ADORA2B: variants seen among roughly 807,000 people sequenced by gnomAD.
The protein encoded by ADORA2B is adenosine A2b receptor.
A neutral mutation model predicts 20.8 loss-of-function variants in ADORA2B; 18 were observed. The ratio of observed to expected loss-of-function variants is 0.87; its 90% CI spans 0.60 to 1.29. The LOEUF is 1.29. ADORA2B is among the 50% of genes most tolerant of loss of function. The probability of loss-of-function intolerance (pLI) is 0.00; values close to 1 mark genes in which losing one functional copy is unlikely to be tolerated. For missense variants in ADORA2B, 441 were observed against 422.7 expected, an observed-to-expected ratio of 1.04 and a Z score of -0.38; for synonymous variants, 179 against 178.3, an observed-to-expected ratio of 1.00 and a Z score of -0.03.
chr17:15,887,444 G>A, the ADORA2B span, among the ~76,000 whole-genome samples: 10 of 131,156 alleles, frequency 7.6e-5, 3 homozygotes, highest in Admixed American at 4.5e-4. Flanking sequence ...CAAGAAGAAA[G>A]TTTAAAGAAA....
chr17:15,925,655 C>T, the ADORA2B span, among the ~76,000 whole-genome samples: 5 of 152,114 alleles, frequency 3.3e-5, no homozygotes, highest in Non-Finnish European at 7.4e-5. Context: ...TCTCTTTCTG[C>T]GTATTTGAAT....
At chr17:15,971,339 T>C (rs1970186312) in intron 1 of ADORA2B, among the ~76,000 whole-genome samples, 1 of 152,160 alleles carries the variant, frequency 6.6e-6, no homozygotes, top group Admixed American at 6.5e-5. Context: ...CTGAATGAGG[T>C]GGGAAACAGA....
At chr17:15,880,841 G>A in the ADORA2B span, among the ~76,000 whole-genome samples, 2 of 152,208 alleles carry the variant, frequency 1.3e-5, no homozygotes, top group African/African-American at 4.8e-5. Context: ...GAACTACTTA[G>A]CAGCTATTTA....
chr17:15,875,246 T>C, the ADORA2B span, among the ~76,000 whole-genome samples: 2 of 151,966 alleles, frequency 1.3e-5, no homozygotes, highest in Non-Finnish European at 2.9e-5. Flanking sequence ...CCGCTCCCCA[T>C]AGTCAAGCGT....
the ADORA2B span, among the ~76,000 whole-genome samples, chr17:15,858,022 G>C: frequency 7.1e-6 from 1 of 141,534 alleles, no homozygotes; most frequent in East Asian, 2.0e-4. Context: ...GTGGACACTT[G>C]GGTTGCATCC....
the ADORA2B span, among the ~76,000 whole-genome samples, chr17:15,925,939 C>T: frequency 1.3e-5 from 2 of 152,062 alleles, no homozygotes; most frequent in African/African-American, 2.4e-5. Flanking sequence ...TACTGCACTC[C>T]AGCCTGGGCA....
chr17:15,932,172 CT>C, the ADORA2B span, among the ~76,000 whole-genome samples: 1 of 152,012 alleles, frequency 6.6e-6, no homozygotes, highest in Non-Finnish European at 1.5e-5. Flanking sequence ...AATTTTTTAT[CT>C]GATTGCTTGG....
At chr17:15,960,963 T>C (rs563604890) in intron 1 of ADORA2B, among the ~76,000 whole-genome samples, 3 of 149,258 alleles carry the variant, frequency 2.0e-5, no homozygotes, top group Non-Finnish European at 4.4e-5. Context: ...TTCAGGAGAT[T>C]GAGACCATCC....
At chr17:15,850,653 T>TGCCA in the ADORA2B span, 6 of 169,834 alleles carry the variant, frequency 3.5e-5, no homozygotes, top group African/African-American at 1.4e-4. Context: ...CCCCAGCAGC[T>TGCCA]GCTGTCTCTC....
the ADORA2B span, among the ~76,000 whole-genome samples, chr17:15,936,938 A>G: frequency 1.3e-5 from 2 of 152,376 alleles, no homozygotes; most frequent in Admixed American, 1.3e-4. Context: ...CCTGGACAAC[A>G]GAGTGAGACT....
At chr17:15,939,571 G>A in the ADORA2B span, among the ~76,000 whole-genome samples, 2 of 152,146 alleles carry the variant, frequency 1.3e-5, no homozygotes, top group Non-Finnish European at 2.9e-5. Context: ...GCATAAAGAA[G>A]TTACATGGCC....
the ADORA2B span, chr17:15,858,775 AG>A: frequency 6.1e-6 from 1 of 163,416 alleles, no homozygotes; most frequent in Non-Finnish European, 1.4e-5. Context: ...CGGCCAGCAA[AG>A]GGATGACTCA....
chr17:15,868,220 G>C, the ADORA2B span, among the ~76,000 whole-genome samples: 1 of 136,956 alleles, frequency 7.3e-6, no homozygotes, highest in South Asian at 2.3e-4. Context: ...AAGCACCCAG[G>C]GACACAAACA....
chr17:15,937,001 A>T, the ADORA2B span, among the ~76,000 whole-genome samples: 1 of 152,120 alleles, frequency 6.6e-6, no homozygotes, highest in African/African-American at 2.4e-5. Flanking sequence ...ACATACATAA[A>T]ATCTTTGCCT....
the ADORA2B span, among the ~76,000 whole-genome samples, chr17:15,913,916 G>A: frequency 1.4e-4 from 22 of 152,318 alleles, no homozygotes; most frequent in Non-Finnish European, 3.1e-4. Context: ...ACCTCAGAAG[G>A]CCTGGCCACT....
chr17:15,962,401 A>T lies in ADORA2B; in HGVS notation c.336-12278A>T, dbSNP rs563445792. Among the ~76,000 whole-genome samples, 7 of 152,308 alleles carry T rather than the reference A, an allele frequency of 4.6e-5. No individual in the cohort carries two copies. The South Asian group carries it at 1.5e-3, about 32-fold the overall frequency. ...ATTCCTTCCACATTTATCAGTTTGC[A>T]TTCTTCTGTAAAGACAAGCTTTAGC... On this transcript the variant is annotated intron_variant, in intron 1 of 1. Transcript: ENST00000304222.
chr17:15,916,186 G>A, the ADORA2B span, among the ~76,000 whole-genome samples: 2 of 152,222 alleles, frequency 1.3e-5, no homozygotes, highest in African/African-American at 2.4e-5. Context: ...AGTGGTAAGC[G>A]GGATGAGCTG....
the ADORA2B span, among the ~76,000 whole-genome samples, chr17:15,910,546 G>A: frequency 3.9e-5 from 6 of 152,156 alleles, no homozygotes; most frequent in Admixed American, 6.5e-5. Flanking sequence ...TGATTCACCC[G>A]CCTCGGCCTC....
At chr17:15,922,651 T>C in the ADORA2B span, among the ~76,000 whole-genome samples, 2 of 152,246 alleles carry the variant, frequency 1.3e-5, no homozygotes, top group African/African-American at 4.8e-5. Context: ...TTTGCTCTTA[T>C]GACAATGCTA....
Sources: allele counts gnomAD v4.1 joint callset (sites outside exome capture counted in the v4.1 genomes callset), GRCh38; gene constraint gnomAD v4.1.1; transcripts MANE v1.5; gene names NCBI Gene and HGNC (gene_info 2026-07-23, HGNC 2026-07-21).